PKD2: variants seen among roughly 807,000 people sequenced by gnomAD.
PKD2 encodes the protein polycystin-2.
PKD2 carries 48 observed loss-of-function variants against 105.9 expected under a neutral mutation model. The observed-to-expected ratio is 0.45, with a 90% CI of 0.36 to 0.58. PKD2 has a LOEUF of 0.58. Ranked by LOEUF, PKD2 falls within the 20% of genes least tolerant of loss-of-function variation. PKD2 has a pLI of 0.00. For missense variants in PKD2, 1,078 were observed against 1,255.3 expected, an observed-to-expected ratio of 0.86 and a Z score of 2.13; for synonymous variants, 464 against 481.1, an observed-to-expected ratio of 0.96 and a Z score of 0.46.
chr4:88,070,587 T>G (rs1446915540), intron 13 of PKD2, among the ~76,000 whole-genome samples: 5 of 100,214 alleles, frequency 5.0e-5, no homozygotes, highest in African/African-American at 3.7e-5. Flanking sequence ...TATATATATA[T>G]ATATATATAT....
rs955797389 is a variant in PKD2 at position 88,007,924 on chromosome 4, C to G, written c.191C>G (p.Ala64Gly). 4.0e-5 allele frequency: 58 copies of G among 1,444,496 alleles called. No individual in the cohort carries two copies. Among genetic ancestry groups the G allele is most frequent in the Non-Finnish European group, 5.3e-5 (58 of 1,095,220 alleles). 89.5% of individuals were successfully genotyped at this position (1,444,496 alleles called of 1,614,324 possible). A position where few individuals can be genotyped will look rare whatever the true frequency, so the allele number is the denominator to read the frequency against. Residue 64 changes from alanine (A) to glycine (G), a missense_variant, in exon 1 of 15, where the codon GCG becomes GGG. Ala to Gly is a moderately conservative substitution (Grantham distance 60, BLOSUM62 0). Coordinates refer to ENST00000237596, the MANE Select transcript of PKD2 (RefSeq NM_000297.4). The part of the protein sequence containing the change: ...IEMQRIRQAA[A>G]RDPPAGAAAS... ...ATGCAGCGCATCCGGCAGGCGGCCGCGCGGGACCCCCCGGCCGGAGCCGCG... is the reference window on the plus strand; with the variant it reads ...ATGCAGCGCATCCGGCAGGCGGCCGGGCGGGACCCCCCGGCCGGAGCCGCG...
intron 2 of PKD2, 120 bp downstream of exon 2, chr4:88,019,691 C>T: frequency 1.4e-6 from 1 of 696,696 alleles, no homozygotes; most frequent in Non-Finnish European, 2.6e-6. Context: ...ACCTTCTTAC[C>T]TTTGTTTTTA....
In PKD2 at chr4:88,008,196, C is replaced by T. The variant is rs968812042; in HGVS notation, c.463C>T (p.Arg155Cys). ...CGCGGGCCACCCGAGCGGGAGGCGG[C>T]GCCGGCGAGAGGACCAGGGCCCGCC... ...HGAGHPSGRRRRREDQGPPCP... is the reference protein window; with the variant it reads ...HGAGHPSGRRCRREDQGPPCP... Residue 155 changes from arginine (R) to cysteine (C), a missense_variant, in exon 1 of 15, where the codon CGC becomes TGC. Physicochemically the swap from Arg to Cys is radical, Grantham distance 180. Coordinates refer to ENST00000237596, the MANE Select transcript of PKD2 (RefSeq NM_000297.4). 8 of 1,361,142 alleles carry T rather than the reference C, an allele frequency of 5.9e-6. No homozygotes were observed. Among genetic ancestry groups the T allele is most frequent in the Non-Finnish European group, 7.5e-6 (8 of 1,066,380 alleles). The allele number at this position is 1,361,142 out of a possible 1,614,324, so 84.3% of individuals were successfully genotyped here.
At chr4:88,025,349 T>G (rs1726917344) in intron 2 of PKD2, among the ~76,000 whole-genome samples, 1 of 152,028 alleles carries the variant, frequency 6.6e-6, no homozygotes, top group African/African-American at 2.4e-5. Flanking sequence ...TCCCAATTAC[T>G]TGGGAGCCTG....
chr4:88,017,676 C>T (rs982003390), intron 1 of PKD2, among the ~76,000 whole-genome samples: 1 of 152,196 alleles, frequency 6.6e-6, no homozygotes, highest in Admixed American at 6.5e-5. Context: ...TCCCAAAGTG[C>T]TGGGATTATA....
At chr4:88,035,267 G>A (rs1190888629) in intron 2 of PKD2, among the ~76,000 whole-genome samples, 1 of 152,178 alleles carries the variant, frequency 6.6e-6, no homozygotes, top group Non-Finnish European at 1.5e-5. Flanking sequence ...AATATTATCA[G>A]TAAATGTCCA....
At chr4:88,039,118 G>A (rs1269004102) in intron 4 of PKD2, among the ~76,000 whole-genome samples, 2 of 152,144 alleles carry the variant, frequency 1.3e-5, no homozygotes, top group East Asian at 3.9e-4. Flanking sequence ...AAAGAAACAA[G>A]AAGACCTCCA....
Position 88,065,473 on chromosome 4 carries a change from G to C in PKD2, c.2218G>C (p.Glu740Gln). The change falls in exon 11 of 15, where the codon GAA becomes CAA. Residue 740 changes from glutamate (E) to glutamine (Q), a missense_variant. Physicochemically the swap from Glu to Gln is conservative, Grantham distance 29. Around this residue, in one of 2 missense-constraint regions of PKD2, gnomAD observed 868 missense variants for 1,067.3 expected, o/e 0.81. Transcript: ENST00000237596. ...RQGGGKLNFD[E>Q]LRQDLKGKGH... ...AGGAGGAGGCAAGTTAAACTTTGACGAACTTCGACAAGATCTCAAAGGGTG... is the reference window on the plus strand; with the variant it reads ...AGGAGGAGGCAAGTTAAACTTTGACCAACTTCGACAAGATCTCAAAGGGTG... 6.2e-7 allele frequency: 1 copy of C among 1,613,676 alleles called. No homozygotes were observed. Among genetic ancestry groups the C allele is most frequent in the South Asian group, 1.1e-5 (1 of 91,052 alleles).
chr4:88,057,491 A>T (rs1379981197), intron 8 of PKD2, among the ~76,000 whole-genome samples: 1 of 144,850 alleles, frequency 6.9e-6, no homozygotes, highest in Non-Finnish European at 1.5e-5. Context: ...GCTAGAGTGC[A>T]GCGGTGTAAT....
intron 7 of PKD2, among the ~76,000 whole-genome samples, chr4:88,055,705 A>C (rs747213480): frequency 2.6e-5 from 4 of 151,154 alleles, no homozygotes; most frequent in Non-Finnish European, 5.9e-5. Flanking sequence ...TAAGTGTACA[A>C]TTCAGTGGCA....
intron 2 of PKD2, among the ~76,000 whole-genome samples, chr4:88,027,601 G>A (rs575642991): frequency 5.9e-4 from 90 of 152,294 alleles, no homozygotes; most frequent in African/African-American, 2.0e-3. Context: ...TTGGGAAGGC[G>A]TATTTGGTTT....
chr4:88,059,745 G>A (rs7672253), intron 9 of PKD2, among the ~76,000 whole-genome samples: 82 of 150,224 alleles, frequency 5.5e-4, no homozygotes, highest in Middle Eastern at 3.4e-3. Context: ...ACATACATAC[G>A]TACATACATA....
intron 2 of PKD2, among the ~76,000 whole-genome samples, chr4:88,027,652 G>A (rs1727003753): frequency 6.6e-6 from 1 of 152,186 alleles, no homozygotes. Context: ...GGGGCCAGGG[G>A]TAGAATGATA....
intron 13 of PKD2, among the ~76,000 whole-genome samples, chr4:88,071,367 C>T (rs927116540): frequency 1.3e-5 from 2 of 152,016 alleles, no homozygotes; most frequent in Non-Finnish European, 2.9e-5. Flanking sequence ...TTTCTTTAAC[C>T]ATGGTGGGGT....
At chr4:88,013,579 G>A (rs948207917) in intron 1 of PKD2, among the ~76,000 whole-genome samples, 2 of 152,070 alleles carry the variant, frequency 1.3e-5, no homozygotes, top group African/African-American at 4.8e-5. Flanking sequence ...GCACATGCCT[G>A]TGGTCCCAGT....
chr4:88,008,344 C>G lies in PKD2; in HGVS notation c.595+16C>G. ...GGGCTGCGAGGTAAGAGCGCGCGAC[C>G]CGCAGCGGCAGATGCACGAACCAGA... On this transcript the variant is annotated intron_variant, in intron 1 of 14. Coordinates refer to ENST00000237596, the MANE Select transcript of PKD2 (RefSeq NM_000297.4). 1.3e-6 allele frequency: 2 copies of G among 1,513,224 alleles called. No homozygotes were observed. Among genetic ancestry groups the G allele is most frequent in the South Asian group, 2.5e-5 (2 of 81,556 alleles). 93.7% of individuals were successfully genotyped at this position (1,513,224 alleles called of 1,614,324 possible).
At chr4:88,043,004 AG>A (rs1316176907) in intron 4 of PKD2, among the ~76,000 whole-genome samples, 5 of 152,150 alleles carry the variant, frequency 3.3e-5, no homozygotes, top group Admixed American at 2.6e-4. Context: ...TGCCCTCAAA[AG>A]CTTTGGGACT....
At chr4:88,029,570 C>T (rs1262384050) in intron 2 of PKD2, among the ~76,000 whole-genome samples, 2 of 152,142 alleles carry the variant, frequency 1.3e-5, no homozygotes, top group African/African-American at 4.8e-5. Context: ...TCTGCCTCAT[C>T]AGAGGCTCTC....
Position 88,036,216 on chromosome 4 carries a change from C to A in PKD2, c.710-4C>A. 6.2e-7 allele frequency: 1 copy of A among 1,613,676 alleles called. No individual in the cohort carries two copies. The highest frequency in any genetic ancestry group is 1.1e-5 in the South Asian group (1 of 91,058). ...GCGTTCATTTGGATCTTTCTGTGTTCCAGTGACCTACGGCATGATGAGCTC... is the reference window on the plus strand; with the variant it reads ...GCGTTCATTTGGATCTTTCTGTGTTACAGTGACCTACGGCATGATGAGCTC... On this transcript the variant is annotated splice_polypyrimidine_tract_variant and splice_region_variant and intron_variant, in intron 2 of 14. Coordinates refer to ENST00000237596, the MANE Select transcript of PKD2 (RefSeq NM_000297.4).
Sources: gnomAD v4.1 joint callset for allele counts (sites outside exome capture counted in the v4.1 genomes callset) on GRCh38, gnomAD v4.1.1 for gene constraint, gnomAD v4.1.1 regional missense constraint, MANE v1.5 for transcripts, NCBI Gene and HGNC (gene_info 2026-07-23, HGNC 2026-07-21) for gene names.